Variants in CFAP95 observed in about 807,000 individuals in gnomAD.
The protein encoded by CFAP95 is cilia and flagella associated protein 95.
the CFAP95 span, chr9:69,905,839 T>A: frequency 1.3e-6 from 1 of 757,280 alleles, no homozygotes; most frequent in South Asian, 5.0e-5. Context: ...AATTAATCAA[T>A]TGTTAAAAAT....
At chr9:69,896,442 T>A in the CFAP95 span, among the ~76,000 whole-genome samples, 1 of 152,224 alleles carries the variant, frequency 6.6e-6, no homozygotes, top group Non-Finnish European at 1.5e-5. Flanking sequence ...AACCTTACTA[T>A]GTTGACTGGA....
chr9:69,873,794 C>A, the CFAP95 span, among the ~76,000 whole-genome samples: 68 of 152,248 alleles, frequency 4.5e-4, no homozygotes, highest in African/African-American at 1.5e-3. Flanking sequence ...AACAGTTGAT[C>A]TTTAAGGTTT....
At chr9:69,836,556 G>A in the CFAP95 span, among the ~76,000 whole-genome samples, 31 of 151,918 alleles carry the variant, frequency 2.0e-4, 1 homozygote, top group South Asian at 1.3e-3. Context: ...TATTTTTCAC[G>A]ACCCATCAAT....
At chr9:69,878,234 A>G in the CFAP95 span, among the ~76,000 whole-genome samples, 1 of 152,104 alleles carries the variant, frequency 6.6e-6, no homozygotes, top group African/African-American at 2.4e-5. Context: ...TTCTAGTTGT[A>G]CTGCTCCTTC....
At chr9:69,840,333 C>T in the CFAP95 span, among the ~76,000 whole-genome samples, 1 of 152,096 alleles carries the variant, frequency 6.6e-6, no homozygotes, top group South Asian at 2.1e-4. Flanking sequence ...GTATATATTA[C>T]ATTTTAATCA....
At chr9:69,897,586 A>T in the CFAP95 span, among the ~76,000 whole-genome samples, 8 of 152,240 alleles carry the variant, frequency 5.3e-5, no homozygotes, top group Non-Finnish European at 1.0e-4. Context: ...ATGAATGAGT[A>T]GAACCAAGGA....
At chr9:69,841,970 C>T in the CFAP95 span, among the ~76,000 whole-genome samples, 1 of 152,158 alleles carries the variant, frequency 6.6e-6, no homozygotes, top group Non-Finnish European at 1.5e-5. Flanking sequence ...CATAGCCAAA[C>T]CATATCAGGA....
the CFAP95 span, among the ~76,000 whole-genome samples, chr9:69,836,187 G>A: frequency 1.3e-5 from 2 of 152,162 alleles, no homozygotes; most frequent in East Asian, 3.8e-4. Flanking sequence ...AAAGTTGGCA[G>A]CTTTATGTTG....
the CFAP95 span, among the ~76,000 whole-genome samples, chr9:69,871,686 G>C: frequency 6.6e-6 from 1 of 152,124 alleles, no homozygotes; most frequent in Non-Finnish European, 1.5e-5. Flanking sequence ...GGAGGGTGAT[G>C]GGGCCATTCA....
At chr9:69,845,537 C>G in the CFAP95 span, among the ~76,000 whole-genome samples, 3 of 152,162 alleles carry the variant, frequency 2.0e-5, no homozygotes, top group African/African-American at 4.8e-5. Context: ...GGAAATTGTT[C>G]TAGAAGATTC....
At chr9:69,840,869 C>G in the CFAP95 span, among the ~76,000 whole-genome samples, 1 of 151,934 alleles carries the variant, frequency 6.6e-6, no homozygotes, top group Non-Finnish European at 1.5e-5. Context: ...CGAGGAAATG[C>G]CAGTTACATT....
At chr9:69,850,330 A>C in the CFAP95 span, among the ~76,000 whole-genome samples, 10 of 152,370 alleles carry the variant, frequency 6.6e-5, no homozygotes, top group South Asian at 2.1e-3. Context: ...TTGTTGAGCA[A>C]ATTAGGCTAA....
chr9:69,888,315 A>T, the CFAP95 span, among the ~76,000 whole-genome samples: 1 of 152,200 alleles, frequency 6.6e-6, no homozygotes, highest in Admixed American at 6.5e-5. Context: ...TTAAAAAAAT[A>T]ATATTTAAGA....
chr9:69,873,605 T>A, the CFAP95 span, among the ~76,000 whole-genome samples: 2 of 152,212 alleles, frequency 1.3e-5, no homozygotes, highest in Admixed American at 6.5e-5. Context: ...CTGCTTCTAC[T>A]GCTGCCAGTG....
At chr9:69,861,314 T>G in the CFAP95 span, among the ~76,000 whole-genome samples, 3 of 152,332 alleles carry the variant, frequency 2.0e-5, no homozygotes, top group African/African-American at 4.8e-5. Context: ...TTTTAGCCTC[T>G]CCTTTTGGGC....
the CFAP95 span, among the ~76,000 whole-genome samples, chr9:69,861,749 A>AAAAAC: frequency 1.6e-4 from 24 of 148,406 alleles, no homozygotes; most frequent in South Asian, 2.1e-4. Flanking sequence ...AAAAAAAAAA[A>AAAAAC]AAAACACAAC....
At chr9:69,820,998 A>G in the CFAP95 span, 1 of 1,613,872 alleles carries the variant, frequency 6.2e-7, no homozygotes, top group Middle Eastern at 1.7e-4. Context: ...TCCCATCACA[A>G]GAAATACTCG....
the CFAP95 span, among the ~76,000 whole-genome samples, chr9:69,835,943 G>A: frequency 6.6e-6 from 1 of 152,138 alleles, no homozygotes; most frequent in African/African-American, 2.4e-5. Flanking sequence ...CCGCTGACAC[G>A]GAGCTGGGCC....
chr9:69,893,156 C>T, the CFAP95 span, among the ~76,000 whole-genome samples: 4 of 152,208 alleles, frequency 2.6e-5, no homozygotes, highest in South Asian at 2.1e-4. Context: ...AACCCCTAGG[C>T]GCTTCCATGG....
Sources: gnomAD v4.1 joint callset for allele counts (sites outside exome capture counted in the v4.1 genomes callset) on GRCh38, gnomAD v4.1.1 for gene constraint, MANE v1.5 for transcripts, NCBI Gene and HGNC (gene_info 2026-07-23, HGNC 2026-07-21) for gene names.